Variants in TTC3 observed in about 807,000 individuals in gnomAD.
TTC3 encodes the protein tetratricopeptide repeat domain 3.
Under a neutral mutation model 249.6 loss-of-function variants are expected in TTC3, and 180 were observed. The observed-to-expected ratio is 0.72, with a 90% CI of 0.64 to 0.82. The LOEUF (loss-of-function observed/expected upper bound fraction) is 0.82. Ranked by LOEUF, TTC3 falls within the 40% of genes least tolerant of loss-of-function variation. TTC3 has a pLI of 0.00. For synonymous variants in TTC3, 717 were observed against 805.0 expected, an observed-to-expected ratio of 0.89 and a Z score of 1.85; for missense variants, 2,061 against 2,398.4, an observed-to-expected ratio of 0.86 and a Z score of 2.94.
At chr21:37,099,518 T>G (rs2074270615) in intron 10 of TTC3, among the ~76,000 whole-genome samples, 1 of 152,012 alleles carries the variant, frequency 6.6e-6, no homozygotes, top group African/African-American at 2.4e-5. Flanking sequence ...GTCGAAAAAA[T>G]TAAAAAATAA....
At chr21:37,176,980 C>G (rs979804490) in intron 35 of TTC3, among the ~76,000 whole-genome samples, 4 of 152,172 alleles carry the variant, frequency 2.6e-5, no homozygotes, top group African/African-American at 9.6e-5. Flanking sequence ...CTCCCAGCCA[C>G]AAAACCCCAG....
chr21:37,134,320 G>A (rs772280822), intron 17 of TTC3, among the ~76,000 whole-genome samples: 4 of 151,944 alleles, frequency 2.6e-5, no homozygotes, highest in Admixed American at 6.6e-5. Context: ...GTGTGGTGGC[G>A]TGCACCTGTA....
At chr21:37,116,590 C>G (rs2076159154) in intron 11 of TTC3, among the ~76,000 whole-genome samples, 1 of 151,680 alleles carries the variant, frequency 6.6e-6, no homozygotes, top group Non-Finnish European at 1.5e-5. Context: ...GGGCAGATCA[C>G]TTGAAGTCAG....
intron 35 of TTC3, among the ~76,000 whole-genome samples, chr21:37,182,221 C>A (rs1280441449): frequency 1.3e-5 from 2 of 151,358 alleles, no homozygotes; most frequent in Admixed American, 6.6e-5. Flanking sequence ...AGTTTCAAAC[C>A]AGCAACTACA....
At position 37,196,226 on chromosome 21, in the gene TTC3, G is replaced by GT. The variant is rs1316843368; in HGVS notation, c.5579+196dup. 2.9e-5 allele frequency among the ~76,000 whole-genome samples: 4 copies of GT among 139,958 alleles called. No homozygotes were observed. In the East Asian group the frequency reaches 6.9e-4, roughly 24 times the overall value. The allele number at this position is 139,958 out of a possible 152,430, so 91.8% of individuals were successfully genotyped here. On this transcript the variant is annotated intron_variant, in intron 42 of 45. Coordinates refer to ENST00000355666, the Ensembl canonical transcript of TTC3. ...TAAGTATTTTCAAATAAATTGGTGG[G>GT]TTTTTTCTTTCTTTTTTTTTTTTTT...
At chr21:37,113,140 G>T (rs2075821925) in intron 11 of TTC3, among the ~76,000 whole-genome samples, 1 of 152,220 alleles carries the variant, frequency 6.6e-6, no homozygotes, top group Non-Finnish European at 1.5e-5. Context: ...ACAAGACAGG[G>T]ATGCCCTCTC....
rs539689032 is a variant in TTC3 at position 37,107,573 on chromosome 21, T to C, written c.846-819T>C. ...CCTCAGAACAGGTAGAACAGAATTA[T>C]TTACATTTTACAGATGAGAAAAATG... On this transcript the variant is annotated intron_variant, in intron 10 of 45. Coordinates refer to ENST00000355666, the Ensembl canonical transcript of TTC3. Among the ~76,000 whole-genome samples, 18 of 152,304 alleles carry C rather than the reference T, an allele frequency of 1.2e-4. No homozygotes were observed. The East Asian group carries it at 3.3e-3, about 28-fold the overall frequency.
exon 35 of TTC3, chr21:37,172,653 T>C (rs1268440457): frequency 1.9e-6 from 3 of 1,613,854 alleles, no homozygotes; most frequent in Admixed American, 1.7e-5. Flanking sequence ...CTTCAAGAAG[T>C]GTATGAAAAT....
At chr21:37,118,803 C>T (rs573340418) in intron 11 of TTC3, among the ~76,000 whole-genome samples, 5 of 152,132 alleles carry the variant, frequency 3.3e-5, no homozygotes, top group Non-Finnish European at 7.4e-5. Flanking sequence ...CAAGCTCACC[C>T]ATCTTTTCTT....
At chr21:37,170,201 A>G (rs1263733272) in intron 34 of TTC3, among the ~76,000 whole-genome samples, 1 of 152,226 alleles carries the variant, frequency 6.6e-6, no homozygotes, top group Non-Finnish European at 1.5e-5. Context: ...AACACAGGAG[A>G]GAAACAAGGA....
intron 35 of TTC3, among the ~76,000 whole-genome samples, chr21:37,176,144 A>G (rs564847331): frequency 6.6e-6 from 1 of 152,314 alleles, no homozygotes; most frequent in African/African-American, 2.4e-5. Context: ...ACCCTAACCT[A>G]TGACTGGCAG....
intron 44 of TTC3, among the ~76,000 whole-genome samples, chr21:37,199,443 C>T (rs964512340): frequency 1.3e-5 from 2 of 152,214 alleles, no homozygotes; most frequent in Admixed American, 6.5e-5. Context: ...CCAGGCGACA[C>T]TCAGGTCTGC....
intron 27 of TTC3, 83 bp from the exon 28 acceptor site, chr21:37,156,572 G>C (rs2080111066): frequency 6.0e-6 from 9 of 1,506,054 alleles, no homozygotes; most frequent in Non-Finnish European, 7.1e-6. Context: ...ATAATCAGCT[G>C]CTTTCAGAGA....
At chr21:37,078,110 A>T (rs2071154298) in intron 1 of TTC3, among the ~76,000 whole-genome samples, 1 of 151,820 alleles carries the variant, frequency 6.6e-6, no homozygotes, top group South Asian at 2.1e-4. Flanking sequence ...CCCTCTGTTC[A>T]CCAGTGGTCT....
chr21:37,121,355 CA>C (rs2076569189), intron 11 of TTC3: 1 of 153,998 alleles, frequency 6.5e-6, no homozygotes, highest in Non-Finnish European at 1.4e-5. Flanking sequence ...ATCGGAAAAC[CA>C]TGGCACAGGC....
intron 11 of TTC3, among the ~76,000 whole-genome samples, chr21:37,112,877 C>T (rs2147821959): frequency 6.6e-6 from 1 of 152,280 alleles, no homozygotes; most frequent in South Asian, 2.1e-4. Flanking sequence ...GGATGCAAGG[C>T]CGGTTCAACA....
chr21:37,134,930 A>G (rs1373488347), intron 17 of TTC3, among the ~76,000 whole-genome samples: 1 of 152,228 alleles, frequency 6.6e-6, no homozygotes, highest in Non-Finnish European at 1.5e-5. Flanking sequence ...CTTAGAATTA[A>G]GGTTTGTTTC....
chr21:37,197,631 T>C (rs1430576504), exon 43 of TTC3: 2 of 1,611,746 alleles, frequency 1.2e-6, no homozygotes, highest in African/African-American at 2.7e-5. Flanking sequence ...ACTCTCAGGA[T>C]TGAGTATTGA....
chr21:37,099,862 A>G (rs1373502854), intron 10 of TTC3, among the ~76,000 whole-genome samples: 1 of 152,236 alleles, frequency 6.6e-6, no homozygotes, highest in Non-Finnish European at 1.5e-5. Flanking sequence ...TGTAAGAGTA[A>G]AGAAATGAAA....
Sources: gnomAD v4.1 joint callset for allele counts (sites outside exome capture counted in the v4.1 genomes callset) on GRCh38, gnomAD v4.1.1 for gene constraint, MANE v1.5 for transcripts, NCBI Gene and HGNC (gene_info 2026-07-23, HGNC 2026-07-21) for gene names.